The following NDUFV2 variants were observed in gnomAD, a reference collection of about 807,000 sequenced individuals.
NDUFV2 encodes the protein NADH:ubiquinone oxidoreductase core subunit V2, also known as NADH dehydrogenase [ubiquinone] flavoprotein 2, mitochondrial.
In NDUFV2, 18 loss-of-function variants were observed where a neutral mutation model predicts 31.6. That is an observed-to-expected ratio of 0.57 (90% CI 0.39 to 0.84). NDUFV2 has a LOEUF of 0.84. Among genes scored for constraint, NDUFV2 ranks in the 40% least tolerant of loss-of-function variants. The pLI is 0.00. For synonymous variants in NDUFV2, 83 were observed against 99.8 expected, an observed-to-expected ratio of 0.83 and a Z score of 1.01; for missense variants, 314 against 303.6, an observed-to-expected ratio of 1.03 and a Z score of -0.26.
intron 1 of NDUFV2, chr18:9,103,094 C>G: frequency 2.4e-6 from 1 of 424,528 alleles, no homozygotes; most frequent in Non-Finnish European, 4.2e-6. Flanking sequence ...TGCTGTAGCG[C>G]AGAATCTAGG....
Position 9,117,822 on chromosome 18 carries a change from A to T in NDUFV2, c.55-16A>T. On this transcript the variant is annotated splice_polypyrimidine_tract_variant and intron_variant, in intron 1 of 7. Coordinates refer to ENST00000318388, the MANE Select transcript of NDUFV2 (RefSeq NM_021074.5). Reference sequence around the variant, plus strand: ...GGCTATGATTTACTAAACTTTCTTAAAATTTTAAATTTTAGGGAAGACATG... The same window carrying T: ...GGCTATGATTTACTAAACTTTCTTATAATTTTAAATTTTAGGGAAGACATG... 25 of 1,339,192 alleles carry T rather than the reference A, an allele frequency of 1.9e-5. No individual in the cohort carries two copies. The highest frequency in any genetic ancestry group is 2.3e-5 in the Non-Finnish European group (21 of 931,890). The allele number at this position is 1,339,192 out of a possible 1,614,324, so 83.0% of individuals were successfully genotyped here. A position where few individuals can be genotyped will look rare whatever the true frequency, so the allele number is the denominator to read the frequency against.
intron 7 of NDUFV2, among the ~76,000 whole-genome samples, chr18:9,130,958 G>A (rs924997947): frequency 2.0e-5 from 3 of 152,182 alleles, no homozygotes; most frequent in African/African-American, 7.2e-5. Context: ...TGAACACCAT[G>A]GGCGTTAGGG....
chr18:9,102,890 C>T (rs924858971), intron 1 of NDUFV2, 93 bp downstream of exon 1: 2 of 1,322,794 alleles, frequency 1.5e-6, no homozygotes, highest in Non-Finnish European at 2.0e-6. Flanking sequence ...GCCCTGGGCT[C>T]TGCACGGGCC....
chr18:9,104,260 C>G (rs1342891447), intron 1 of NDUFV2: 2 of 1,612,532 alleles, frequency 1.2e-6, no homozygotes, highest in East Asian at 2.2e-5. Flanking sequence ...AAGGGAGAGA[C>G]AGGGGCCAGA....
At chr18:9,108,132 G>A (rs2077850950) in intron 1 of NDUFV2, among the ~76,000 whole-genome samples, 1 of 152,180 alleles carries the variant, frequency 6.6e-6, no homozygotes, top group South Asian at 2.1e-4. Flanking sequence ...AATCATTAAT[G>A]CTGTTATCTT....
intron 2 of NDUFV2, among the ~76,000 whole-genome samples, chr18:9,118,320 G>GT (rs562268456): frequency 1.2e-4 from 18 of 152,150 alleles, no homozygotes; most frequent in African/African-American, 3.9e-4. Flanking sequence ...AGTTTCCGGA[G>GT]TTTTAACTAT....
chr18:9,129,418 CTG>C (rs1280128102), intron 7 of NDUFV2, among the ~76,000 whole-genome samples: 1 of 152,066 alleles, frequency 6.6e-6, no homozygotes, highest in Non-Finnish European at 1.5e-5. Context: ...TGAGTGCCTG[CTG>C]TGTGTCAGGC....
intron 4 of NDUFV2, among the ~76,000 whole-genome samples, chr18:9,121,971 G>A (rs2077940171): frequency 6.6e-6 from 1 of 152,188 alleles, no homozygotes; most frequent in Non-Finnish European, 1.5e-5. Flanking sequence ...ATACATATAT[G>A]TAGAGATATA....
chr18:9,122,079 GA>G (rs35216826), intron 4 of NDUFV2, among the ~76,000 whole-genome samples: 5 of 151,992 alleles, frequency 3.3e-5, no homozygotes, highest in African/African-American at 1.2e-4. Context: ...AGGCTGTTTG[GA>G]AAAAATTGGT....
chr18:9,102,852 T>G (rs979011323), intron 1 of NDUFV2, 55 bp downstream of exon 1: 1 of 1,520,070 alleles, frequency 6.6e-7, no homozygotes, highest in East Asian at 2.5e-5. Flanking sequence ...TTGCTCTCCG[T>G]GTCTCCCTTA....
intron 1 of NDUFV2, among the ~76,000 whole-genome samples, chr18:9,114,879 T>C (rs781492944): frequency 1.2e-4 from 18 of 152,226 alleles, no homozygotes; most frequent in Non-Finnish European, 2.5e-4. Flanking sequence ...TTTTCCAATA[T>C]GTAGCAACAT....
chr18:9,120,116 TATA>T (rs1466818300), intron 4 of NDUFV2, among the ~76,000 whole-genome samples: 1 of 152,180 alleles, frequency 6.6e-6, no homozygotes, highest in Non-Finnish European at 1.5e-5. Flanking sequence ...ACTCTATTCA[TATA>T]ATATTCATTT....
intron 1 of NDUFV2, chr18:9,112,566 T>G (rs1242282074): frequency 6.6e-6 from 1 of 152,102 alleles, no homozygotes; most frequent in Non-Finnish European, 1.5e-5. Flanking sequence ...CACTGCAACC[T>G]TCACCTCCCA....
intron 1 of NDUFV2, among the ~76,000 whole-genome samples, chr18:9,105,179 T>A (rs956588077): frequency 2.0e-5 from 3 of 152,190 alleles, no homozygotes; most frequent in Non-Finnish European, 4.4e-5. Context: ...TCAAGAAAAG[T>A]ACAAGAAAAG....
chr18:9,110,273 A>T (rs1176577290), intron 1 of NDUFV2, among the ~76,000 whole-genome samples: 1 of 152,180 alleles, frequency 6.6e-6, no homozygotes, highest in Non-Finnish European at 1.5e-5. Flanking sequence ...TAAAGATGTT[A>T]ATGAGAACTT....
chr18:9,107,511 A>T (rs1366619313), intron 1 of NDUFV2, among the ~76,000 whole-genome samples: 1 of 152,220 alleles, frequency 6.6e-6, no homozygotes, highest in African/African-American at 2.4e-5. Context: ...GTTAGGGGGA[A>T]GGTGGCTTTA....
rs529381476 is a variant in NDUFV2, at chr18:9,117,609, TCTC to T, written c.55-226_55-224del. The T allele has an allele frequency of 2.8e-3, 1,323 of 478,574 alleles. 6 individuals carry two copies. The highest frequency in any genetic ancestry group is 3.9e-3 in the Non-Finnish European group (1,017 of 262,706). The allele number at this position is 478,574 out of a possible 1,614,324, so 29.6% of individuals were successfully genotyped here. The stretch of plus-strand genomic sequence containing the variant: ...GTCAGCAGATCTGGGTTGTCCTGGT[TCTC>T]CTATTGACTCGTGTGTGTGATGTTA... On this transcript the variant is annotated intron_variant, in intron 1 of 7. Transcript: ENST00000318388.
At chr18:9,132,703 T>C (rs917201864) in intron 7 of NDUFV2, among the ~76,000 whole-genome samples, 1 of 152,058 alleles carries the variant, frequency 6.6e-6, no homozygotes, top group Non-Finnish European at 1.5e-5. Context: ...GGTGAGGTCT[T>C]GTCTCTACGA....
At chr18:9,104,295 C>T in intron 1 of NDUFV2, 3 of 1,610,234 alleles carry the variant, frequency 1.9e-6, no homozygotes, top group Admixed American at 1.7e-5. Flanking sequence ...GCGTGCCATA[C>T]TAAAGAATTT....
Sources: allele counts gnomAD v4.1 joint callset (sites outside exome capture counted in the v4.1 genomes callset), GRCh38; gene constraint gnomAD v4.1.1; transcripts MANE v1.5; gene names NCBI Gene and HGNC (gene_info 2026-07-23, HGNC 2026-07-21).